USP25: variants seen among roughly 807,000 people sequenced by gnomAD.
The protein encoded by USP25 is ubiquitin carboxyl-terminal hydrolase 25.
A neutral mutation model predicts 158.5 loss-of-function variants in USP25; 85 were observed. That is an observed-to-expected ratio of 0.54 (90% CI 0.45 to 0.64). The LOEUF is 0.64. USP25 is among the 30% of genes least tolerant of loss of function. The pLI is 0.00. For missense variants in USP25, 1,242 were observed against 1,327.3 expected (o/e 0.94, Z 1.00); for synonymous variants, 464 against 460.4 (o/e 1.01, Z -0.10).
intron 4 of USP25, among the ~76,000 whole-genome samples, chr21:15,786,377 T>C (rs1208296583): frequency 6.6e-6 from 1 of 152,056 alleles, no homozygotes; most frequent in East Asian, 1.9e-4. Context: ...GATGCAGAAA[T>C]TCTCAACAAG....
At chr21:15,731,309 T>C (rs748866485) in intron 1 of USP25, among the ~76,000 whole-genome samples, 10 of 152,190 alleles carry the variant, frequency 6.6e-5, no homozygotes, top group Non-Finnish European at 1.0e-4. Flanking sequence ...AATTTTTAAT[T>C]TGCGTGAAAA....
chr21:15,842,268 T>C (rs2038371697), intron 17 of USP25, 130 bp from the exon 18 acceptor site: 10 of 941,674 alleles, frequency 1.1e-5, no homozygotes, highest in Admixed American at 3.0e-5. Flanking sequence ...TGGAAAGATA[T>C]ATTTTACTTT....
At chr21:15,763,989 T>G (rs900319641) in intron 2 of USP25, among the ~76,000 whole-genome samples, 1 of 152,148 alleles carries the variant, frequency 6.6e-6, no homozygotes, top group Non-Finnish European at 1.5e-5. Context: ...CAAGGCAGCC[T>G]GATCCCAGGT....
chr21:15,824,838 A>G, intron 11 of USP25, 128 bp from the exon 12 acceptor site: 1 of 677,340 alleles, frequency 1.5e-6, no homozygotes, highest in South Asian at 1.7e-5. Context: ...CTGGTCTTGA[A>G]CTCCTGACCT....
chr21:15,758,600 C>T (rs1013352495), intron 1 of USP25, among the ~76,000 whole-genome samples: 1 of 152,054 alleles, frequency 6.6e-6, no homozygotes, highest in East Asian at 1.9e-4. Flanking sequence ...TATAAATTAC[C>T]CAGTGTATTA....
intron 23 of USP25, among the ~76,000 whole-genome samples, chr21:15,872,572 T>C (rs1015669110): frequency 8.5e-5 from 13 of 152,212 alleles, no homozygotes; most frequent in Non-Finnish European, 1.5e-4. Context: ...TTTAATATTA[T>C]CACTTCCTTC....
At chr21:15,753,594 A>G (rs2033177263) in intron 1 of USP25, among the ~76,000 whole-genome samples, 1 of 152,170 alleles carries the variant, frequency 6.6e-6, no homozygotes, top group Non-Finnish European at 1.5e-5. Context: ...TTTGCTTAGT[A>G]AGTGGGCCTG....
chr21:15,784,389 G>A lies in USP25; in HGVS notation c.392+6362G>A, dbSNP rs535933842. On this transcript the variant is annotated intron_variant, in intron 4 of 25. Transcript: ENST00000400183. Reference sequence around the variant, plus strand: ...GGAGTTTGAGACCAGCCTGATGAACGTGGAGAAACCCCGTCTCCACTAAAA... The same window carrying A: ...GGAGTTTGAGACCAGCCTGATGAACATGGAGAAACCCCGTCTCCACTAAAA... 2.6e-5 allele frequency among the ~76,000 whole-genome samples: 4 copies of A among 152,104 alleles called. No individual in the cohort carries two copies. The South Asian group carries it at 8.3e-4, about 32-fold the overall frequency.
At chr21:15,849,911 C>T in intron 20 of USP25, 39 bp downstream of exon 20, 1 of 1,342,018 alleles carries the variant, frequency 7.5e-7, no homozygotes, top group Admixed American at 2.8e-5. Flanking sequence ...TTTTCTTTTT[C>T]AAAATTAAAC....
intron 23 of USP25, among the ~76,000 whole-genome samples, chr21:15,871,923 G>A (rs922946636): frequency 2.6e-5 from 4 of 151,096 alleles, no homozygotes; most frequent in African/African-American, 9.7e-5. Context: ...CCCGGGAGGC[G>A]GAGGTTGTGG....
At chr21:15,834,222 GAA>G (rs2037949424) in intron 17 of USP25, among the ~76,000 whole-genome samples, 2 of 152,062 alleles carry the variant, frequency 1.3e-5, no homozygotes, top group South Asian at 4.2e-4. Context: ...CACTGTATAG[GAA>G]TTAAGAAAAT....
chr21:15,858,466 T>C (rs576894319), intron 20 of USP25, among the ~76,000 whole-genome samples: 1 of 152,130 alleles, frequency 6.6e-6, no homozygotes, highest in East Asian at 1.9e-4. Flanking sequence ...TTCCATTTTT[T>C]TTTTAACCAG....
At chr21:15,799,089 A>G (rs1001490555) in intron 5 of USP25, among the ~76,000 whole-genome samples, 2 of 151,282 alleles carry the variant, frequency 1.3e-5, no homozygotes, top group African/African-American at 4.8e-5. Context: ...ATACATTGTG[A>G]TATTTTCCAT....
chr21:15,844,796 A>G (rs2038501675), intron 18 of USP25, among the ~76,000 whole-genome samples: 1 of 152,052 alleles, frequency 6.6e-6, no homozygotes, highest in African/African-American at 2.4e-5. Flanking sequence ...TAATATGTAG[A>G]TTTGGGATTT....
intron 4 of USP25, among the ~76,000 whole-genome samples, chr21:15,779,190 G>T: frequency 6.6e-6 from 1 of 151,822 alleles, no homozygotes; most frequent in East Asian, 1.9e-4. Flanking sequence ...AATATTTATT[G>T]CCAGGAACTT....
chr21:15,797,802 G>A (rs577630164), intron 5 of USP25, among the ~76,000 whole-genome samples: 9 of 151,274 alleles, frequency 5.9e-5, no homozygotes, highest in Admixed American at 1.3e-4. Flanking sequence ...GCTGTTAATT[G>A]TGGCTGAAAA....
At chr21:15,754,210 G>A (rs1479941073) in intron 1 of USP25, among the ~76,000 whole-genome samples, 1 of 152,168 alleles carries the variant, frequency 6.6e-6, no homozygotes, top group Non-Finnish European at 1.5e-5. Context: ...CTTATTTGGA[G>A]GTGGTGTGTC....
At chr21:15,775,875 A>C (rs971873670) in intron 3 of USP25, among the ~76,000 whole-genome samples, 13 of 150,914 alleles carry the variant, frequency 8.6e-5, no homozygotes, top group African/African-American at 2.7e-4. Context: ...GTTTTTTTTT[A>C]TGTTTAGTTT....
At chr21:15,784,848 C>T (rs770783659) in intron 4 of USP25, among the ~76,000 whole-genome samples, 3 of 151,578 alleles carry the variant, frequency 2.0e-5, no homozygotes, top group Admixed American at 6.6e-5. Flanking sequence ...AAGAATCAAA[C>T]GAGGAATCTT....
Sources: gnomAD v4.1 joint callset for allele counts (sites outside exome capture counted in the v4.1 genomes callset) on GRCh38, gnomAD v4.1.1 for gene constraint, MANE v1.5 for transcripts, NCBI Gene and HGNC (gene_info 2026-07-23, HGNC 2026-07-21) for gene names.